Variants in MPP3 observed in about 807,000 individuals in gnomAD.
The protein encoded by MPP3 is MAGUK p55 scaffold protein 3, also known as MAGUK p55 subfamily member 3.
MPP3 carries 48 observed loss-of-function variants against 80.7 expected under a neutral mutation model. The observed-to-expected ratio is 0.59, with a 90% CI of 0.47 to 0.76. The LOEUF is 0.76. Among genes scored for constraint, MPP3 ranks in the 30% least tolerant of loss-of-function variants. The probability of loss-of-function intolerance (pLI) is 0.00; values close to 1 mark genes in which losing one functional copy is unlikely to be tolerated. For synonymous variants in MPP3, 311 were observed against 297.6 expected, an observed-to-expected ratio of 1.04 and a Z score of -0.46; for missense variants, 620 against 763.0, an observed-to-expected ratio of 0.81 and a Z score of 2.21.
Position 43,813,719 on chromosome 17 carries a change from T to C in MPP3, c.1255+292A>G, listed in dbSNP as rs1169609495. 5.3e-5 allele frequency among the ~76,000 whole-genome samples: 8 copies of C among 152,208 alleles called. No individual in the cohort carries two copies. In the East Asian group the frequency reaches 9.7e-4, roughly 18 times the overall value. ...AATGCCCCCTACTGTGGGGGCCCCG[T>C]GGTGTCAGGTTGAGGCTGCCACTTT... On this transcript the variant is annotated intron_variant, in intron 16 of 19. Coordinates refer to ENST00000398389, the MANE Select transcript of MPP3 (RefSeq NM_001932.6).
At chr17:43,810,518 G>A (rs994195951) in intron 18 of MPP3, among the ~76,000 whole-genome samples, 5 of 152,158 alleles carry the variant, frequency 3.3e-5, no homozygotes, top group South Asian at 2.1e-4. Context: ...GCCAGTCAGC[G>A]CCACCAACTA....
intron 9 of MPP3, among the ~76,000 whole-genome samples, chr17:43,824,258 G>A (rs2045594361): frequency 6.6e-6 from 1 of 152,028 alleles, no homozygotes; most frequent in African/African-American, 2.4e-5. Context: ...GTGGCGGGTT[G>A]GTAACTGTAT....
At chr17:43,804,341 T>C (rs1034636) in intron 19 of MPP3, among the ~76,000 whole-genome samples, 7,085 of 152,224 alleles carry the variant, frequency 0.047, 552 homozygotes, top group African/African-American at 0.16. Flanking sequence ...GGCCTAAGAA[T>C]AGACATGTAG....
chr17:43,827,313 GC>G (rs2045750884), intron 8 of MPP3, among the ~76,000 whole-genome samples: 1 of 143,898 alleles, frequency 6.9e-6, no homozygotes, highest in Non-Finnish European at 1.5e-5. Flanking sequence ...ACTGTGCCTG[GC>G]TTTTTTTTTT....
At chr17:43,812,107 C>A (rs1215779678) in intron 16 of MPP3, among the ~76,000 whole-genome samples, 1 of 152,226 alleles carries the variant, frequency 6.6e-6, no homozygotes, top group Non-Finnish European at 1.5e-5. Flanking sequence ...GCAAGGCTGG[C>A]TCTCAAACAA....
At chr17:43,805,971 C>T (rs1168241341) in intron 19 of MPP3, among the ~76,000 whole-genome samples, 1 of 152,142 alleles carries the variant, frequency 6.6e-6, no homozygotes, top group Non-Finnish European at 1.5e-5. Flanking sequence ...TTAACTCCCC[C>T]TCCAAAAAAC....
chr17:43,831,743 C>T (rs543916789), intron 3 of MPP3, 66 bp from the exon 4 acceptor site: 15 of 1,450,470 alleles, frequency 1.0e-5, no homozygotes, highest in East Asian at 2.3e-5. Flanking sequence ...CCGAGGAGCC[C>T]GAGTGGGGCC....
Position 43,830,096 on chromosome 17 carries a change from C to T in MPP3, c.234G>A (p.Glu78=). The change falls in exon 6 of 20, where the codon GAG becomes GAA. Residue 78 remains glutamate (E), a synonymous_variant. Coordinates refer to ENST00000398389, the MANE Select transcript of MPP3 (RefSeq NM_001932.6). Reference sequence around the variant, plus strand: ...CACTGTGCACGGAGGCGGCCTGCAACTCCTCCATCACCTGCAGAGAATGAG... The same window carrying T: ...CACTGTGCACGGAGGCGGCCTGCAATTCCTCCATCACCTGCAGAGAATGAG... ...AVALAEDVME[E]LQAASVHSDE... 6.5e-7 allele frequency: 1 copy of T among 1,544,962 alleles called. No homozygotes were observed.
At chr17:43,816,448 G>A (rs770430951) in intron 13 of MPP3, among the ~76,000 whole-genome samples, 12 of 152,202 alleles carry the variant, frequency 7.9e-5, no homozygotes, top group East Asian at 1.9e-4. Context: ...AGGCTGGGCC[G>A]CACGTGTCAG....
At chr17:43,814,427 G>T in intron 14 of MPP3, 66 bp from the exon 15 acceptor site, 6 of 1,506,830 alleles carry the variant, frequency 4.0e-6, no homozygotes, top group Non-Finnish European at 5.3e-6. Context: ...TCCCAGTAGA[G>T]ACTTTTCCCA....
In MPP3 at chr17:43,800,930, A is replaced by G. The variant is rs1304116025; in HGVS notation, c.*771T>C. On this transcript the variant is annotated 3_prime_UTR_variant, in exon 20 of 20. Transcript: ENST00000398389. ...GCACAATGGGAACCCCTATGATCTCATGGCAGGGACTGGCTAGGACCAAGG... is the reference window on the plus strand; with the variant it reads ...GCACAATGGGAACCCCTATGATCTCGTGGCAGGGACTGGCTAGGACCAAGG... 1 of 152,182 alleles carries G rather than the reference A, an allele frequency of 6.6e-6. No individual in the cohort carries two copies. Among genetic ancestry groups the G allele is most frequent in the African/African-American group, 2.4e-5 (1 of 41,422 alleles). 9.4% of individuals were successfully genotyped at this position (152,182 alleles called of 1,614,324 possible).
In MPP3 at chr17:43,823,913, G is replaced by A. The variant is rs114118433; in HGVS notation, c.684+18C>T. 2,495 of 1,598,760 alleles carry A rather than the reference G, an allele frequency of 1.6e-3. 26 individuals are homozygous for A. In the African/African-American group the frequency reaches 0.026, roughly 17 times the overall value. Reference sequence around the variant, plus strand: ...CTCTCAAGCTGAGAGAGGGCACCGCGGACCCACCTCCCCATACCTTGCTCT... The same window carrying A: ...CTCTCAAGCTGAGAGAGGGCACCGCAGACCCACCTCCCCATACCTTGCTCT... On this transcript the variant is annotated intron_variant, in intron 10 of 19. Coordinates refer to ENST00000398389, the MANE Select transcript of MPP3 (RefSeq NM_001932.6).
intron 9 of MPP3, 134 bp downstream of exon 9, chr17:43,825,622 C>T: frequency 6.0e-6 from 4 of 661,356 alleles, no homozygotes; most frequent in South Asian, 1.8e-5. Context: ...TAGGGGCACA[C>T]CATAAGGCCA....
chr17:43,832,541 G>T (rs1179099134), intron 2 of MPP3, among the ~76,000 whole-genome samples: 1 of 152,230 alleles, frequency 6.6e-6, no homozygotes, highest in African/African-American at 2.4e-5. Flanking sequence ...TGCAGGAGGG[G>T]GGACCCCTAT....
chr17:43,816,071 C>A lies in MPP3; in HGVS notation c.976G>T (p.Asp326Tyr). 1 of 1,509,116 alleles carries A rather than the reference C, an allele frequency of 6.6e-7. No homozygotes were observed. 93.5% of individuals were successfully genotyped at this position (1,509,116 alleles called of 1,614,324 possible). A position where few individuals can be genotyped will look rare whatever the true frequency, so the allele number is the denominator to read the frequency against. The part of the protein sequence containing the change: ...YDQPCDKETC[D>Y]CEGYLKGHYV... ...TGCCCTTTGAGGTAGCCCTCACAGTCACAGGTCTCTGGGAAGCAAACAGAG... is the reference window on the plus strand; with the variant it reads ...TGCCCTTTGAGGTAGCCCTCACAGTAACAGGTCTCTGGGAAGCAAACAGAG... The change falls in exon 14 of 20, where the codon GAC becomes TAC. Residue 326 changes from aspartate to tyrosine, a missense_variant. Asp to Tyr is a radical substitution (Grantham distance 160). Coordinates refer to ENST00000398389, the MANE Select transcript of MPP3 (RefSeq NM_001932.6).
At position 43,811,246 on chromosome 17, in the gene MPP3, A is replaced by G. The variant is rs765114892; in HGVS notation, c.1256-41T>C. On this transcript the variant is annotated intron_variant, in intron 16 of 19. Coordinates refer to ENST00000398389, the MANE Select transcript of MPP3 (RefSeq NM_001932.6). Reference sequence around the variant, plus strand: ...GGAAAGCTGGGCAAAGAGATGTCACATCACAGCACGCAGGGACAGCAGCAG... The same window carrying G: ...GGAAAGCTGGGCAAAGAGATGTCACGTCACAGCACGCAGGGACAGCAGCAG... 4.7e-6 allele frequency: 7 copies of G among 1,498,756 alleles called. No homozygotes were observed. In the East Asian group the frequency reaches 6.8e-5, roughly 14 times the overall value. The allele number at this position is 1,498,756 out of a possible 1,614,324, so 92.8% of individuals were successfully genotyped here.
At chr17:43,819,925 GT>G (rs1293079891) in intron 11 of MPP3, among the ~76,000 whole-genome samples, 1 of 151,904 alleles carries the variant, frequency 6.6e-6, no homozygotes, top group Non-Finnish European at 1.5e-5. Context: ...CTCCTCTTCA[GT>G]TTTTTTCTGT....
intron 19 of MPP3, 84 bp downstream of exon 19, chr17:43,808,872 G>GC (rs1444972407): frequency 5.5e-6 from 8 of 1,459,276 alleles, no homozygotes; most frequent in Non-Finnish European, 7.3e-6. Context: ...CTCTTCAGCT[G>GC]CAAGCACCCT....
chr17:43,829,995 G>A, intron 6 of MPP3, 32 bp downstream of exon 6: 1 of 1,602,998 alleles, frequency 6.2e-7, no homozygotes, highest in Non-Finnish European at 8.5e-7. Flanking sequence ...GAGACCCAGA[G>A]GCATGGCTGG....
Sources: gnomAD v4.1 joint callset for allele counts (sites outside exome capture counted in the v4.1 genomes callset) on GRCh38, gnomAD v4.1.1 for gene constraint, MANE v1.5 for transcripts, NCBI Gene and HGNC (gene_info 2026-07-23, HGNC 2026-07-21) for gene names.